The following VPS33A variants were observed in gnomAD, a reference collection of about 807,000 sequenced individuals.
VPS33A encodes vacuolar protein sorting-associated protein 33A.
VPS33A carries 32 observed loss-of-function variants against 71.8 expected under a neutral mutation model. That is an observed-to-expected ratio of 0.45 (90% CI 0.34 to 0.60). The LOEUF (loss-of-function observed/expected upper bound fraction) is 0.60. Ranked by LOEUF, VPS33A falls within the 20% of genes least tolerant of loss-of-function variation. VPS33A has a pLI of 0.02. For synonymous variants in VPS33A, 311 were observed against 292.7 expected (o/e 1.06, Z -0.64); for missense variants, 625 against 748.5 (o/e 0.84, Z 1.92).
At chr12:122,237,266 T>C (rs899924534) in intron 10 of VPS33A, among the ~76,000 whole-genome samples, 9 of 152,172 alleles carry the variant, frequency 5.9e-5, no homozygotes, top group Non-Finnish European at 1.5e-5. Context: ...GAAAGTTCTT[T>C]TCCTCCGTGG....
chr12:122,249,853 C>T lies in VPS33A; in HGVS notation c.775+18G>A, dbSNP rs371038955. ...TTCTCATATTACCTATTAGTGAAAA[C>T]AGATGTCATGTACTTACTGTTCTGA... On this transcript the variant is annotated intron_variant, in intron 6 of 12. Coordinates refer to ENST00000267199, the MANE Select transcript of VPS33A (RefSeq NM_022916.6). The T allele has an allele frequency of 1.8e-5, 29 of 1,600,562 alleles. No individual in the cohort carries two copies. Among genetic ancestry groups the T allele is most frequent in the Admixed American group, 1.7e-5 (1 of 57,798 alleles).
intron 7 of VPS33A, among the ~76,000 whole-genome samples, chr12:122,244,071 AGAG>A (rs2136131659): frequency 6.6e-6 from 1 of 152,338 alleles, no homozygotes; most frequent in East Asian, 1.9e-4. Context: ...TGAACGGGCA[AGAG>A]GAGGCAGGAA....
chr12:122,249,184 C>T (rs374740236), intron 6 of VPS33A: 34 of 152,128 alleles, frequency 2.2e-4, no homozygotes, highest in African/African-American at 6.5e-4. Context: ...GGCATGGCTA[C>T]GCAGTTTTTC....
chr12:122,260,208 AGTT>A (rs1186336666), intron 4 of VPS33A, among the ~76,000 whole-genome samples: 1 of 152,140 alleles, frequency 6.6e-6, no homozygotes, highest in Non-Finnish European at 1.5e-5. Context: ...GAGTGGAGAT[AGTT>A]GCACAACTTT....
Position 122,266,346 on chromosome 12 carries a change from G to C in VPS33A, c.63C>G (p.Arg21=), listed in dbSNP as rs781700682. The C allele has an allele frequency of 1.9e-6, 3 of 1,613,424 alleles. No homozygotes were observed. The change falls in exon 1 of 13, where the codon CGC becomes CGG. Residue 21 remains arginine, a synonymous_variant. Coordinates refer to ENST00000267199, the MANE Select transcript of VPS33A (RefSeq NM_022916.6). ...NLNVLREAVR[R]ELREFLDKCA... ...ACTTGTCCAGGAACTCGCGCAGCTC[G>C]CGACGCACCGCCTCGCGCAACACGT...
chr12:122,242,263 G>A lies in VPS33A; in HGVS notation c.1096+119C>T, dbSNP rs557964291. On this transcript the variant is annotated intron_variant, in intron 8 of 12. Coordinates refer to ENST00000267199, the MANE Select transcript of VPS33A (RefSeq NM_022916.6). ...ACTTCATTAACACTGAGAAGAACAC[G>A]TGGTATTAAGACAGAGCTGACTCTC... 172 of 1,211,528 alleles carry A rather than the reference G, an allele frequency of 1.4e-4. 2 individuals are homozygous for A. Among genetic ancestry groups the A allele is most frequent in the African/African-American group, 1.5e-4 (10 of 66,198 alleles). 75.0% of individuals were successfully genotyped at this position (1,211,528 alleles called of 1,614,324 possible).
intron 8 of VPS33A, 122 bp from the exon 9 acceptor site, chr12:122,240,067 C>A: frequency 2.8e-6 from 2 of 722,864 alleles, no homozygotes; most frequent in Non-Finnish European, 4.7e-6. Flanking sequence ...GTGGCTCACA[C>A]CTGTAATCTC....
At chr12:122,235,563 C>T (rs1954619264) in intron 11 of VPS33A, among the ~76,000 whole-genome samples, 2 of 152,102 alleles carry the variant, frequency 1.3e-5, no homozygotes, top group Admixed American at 1.3e-4. Context: ...CGCGCCCAGC[C>T]CACATCTTTA....
At chr12:122,234,194 C>A (rs955776102) in intron 11 of VPS33A, among the ~76,000 whole-genome samples, 3 of 152,196 alleles carry the variant, frequency 2.0e-5, no homozygotes, top group African/African-American at 7.2e-5. Flanking sequence ...AAAAACTGGC[C>A]ACAGTGGCTG....
chr12:122,247,435 T>C (rs1954790290), intron 6 of VPS33A, among the ~76,000 whole-genome samples: 1 of 152,228 alleles, frequency 6.6e-6, no homozygotes, highest in South Asian at 2.1e-4. Context: ...CAACCCAGCA[T>C]AGGGCTCTCC....
intron 4 of VPS33A, among the ~76,000 whole-genome samples, chr12:122,258,604 T>C (rs561246333): frequency 6.6e-6 from 1 of 152,050 alleles, no homozygotes; most frequent in Non-Finnish European, 1.5e-5. Flanking sequence ...CAAGAAAAGA[T>C]GATCAACATC....
Position 122,235,780 on chromosome 12 carries a change from G to C in VPS33A, c.1440+6C>G, listed in dbSNP as rs772123603. ...AGCTGAGACGAGGTGGAGAAGTGTG[G>C]CTTACTTGCTCATTAACATCATCCA... On this transcript the variant is annotated splice_donor_region_variant and intron_variant, in intron 11 of 12. Coordinates refer to ENST00000267199, the MANE Select transcript of VPS33A (RefSeq NM_022916.6). The C allele has an allele frequency of 1.2e-6, 2 of 1,608,460 alleles. No individual in the cohort carries two copies. Among genetic ancestry groups the C allele is most frequent in the African/African-American group, 1.3e-5 (1 of 74,752 alleles).
rs1170572914 is a variant in VPS33A at position 122,250,875 on chromosome 12, A to T, written c.600+108T>A. On this transcript the variant is annotated intron_variant, in intron 5 of 12. Transcript: ENST00000267199. The stretch of plus-strand genomic sequence containing the variant: ...AGGCAAATTCATGAGTACAGTATTC[A>T]TAAATAATTAAGATCAACTGAATTT... 7 of 805,844 alleles carry T rather than the reference A, an allele frequency of 8.7e-6. No individual in the cohort carries two copies. In the African/African-American group the frequency reaches 1.2e-4, roughly 14 times the overall value. 49.9% of individuals were successfully genotyped at this position (805,844 alleles called of 1,614,324 possible). A position where few individuals can be genotyped will look rare whatever the true frequency, so the allele number is the denominator to read the frequency against.
chr12:122,256,297 G>A (rs1445871768), intron 4 of VPS33A, among the ~76,000 whole-genome samples: 1 of 152,024 alleles, frequency 6.6e-6, no homozygotes, highest in Non-Finnish European at 1.5e-5. Flanking sequence ...AAAAAGGCCA[G>A]GCACAGTGGC....
At chr12:122,234,693 C>A (rs1390314899) in intron 11 of VPS33A, among the ~76,000 whole-genome samples, 1 of 152,176 alleles carries the variant, frequency 6.6e-6, no homozygotes, top group Admixed American at 6.5e-5. Flanking sequence ...ACCTGTGCGT[C>A]CCACACCAAC....
Position 122,266,310 on chromosome 12 carries a change from G to T in VPS33A, c.99C>A (p.Ser33Arg), listed in dbSNP as rs1210605852. The change falls in exon 1 of 13, where the codon AGC (serine) becomes AGA (arginine). Residue 33 changes from serine (S) to arginine (R), a missense_variant. Transcript: ENST00000267199. The stretch of plus-strand genomic sequence containing the variant: ...GTCGCTGCCTCCCGCCCCTCACCTT[G>T]CTTCCTGCGCACTTGTCCAGGAACT... ...LREFLDKCAG[S>R]KAIVWDEYLT... 2 of 1,611,292 alleles carry T rather than the reference G, an allele frequency of 1.2e-6. No individual in the cohort carries two copies. The highest frequency in any genetic ancestry group is 1.3e-5 in the African/African-American group (1 of 74,918).
chr12:122,244,816 AT>A, intron 6 of VPS33A, 54 bp from the exon 7 acceptor site: 1 of 1,538,404 alleles, frequency 6.5e-7, no homozygotes. Context: ...GGAAGAACCA[AT>A]CCGGTAACCA....
chr12:122,241,816 T>C (rs1045645154), intron 8 of VPS33A, among the ~76,000 whole-genome samples: 2 of 151,950 alleles, frequency 1.3e-5, no homozygotes, highest in South Asian at 2.1e-4. Flanking sequence ...TGGTCTTCAA[T>C]TCCTGGACTC....
Position 122,238,686 on chromosome 12 carries a change from G to A in VPS33A, c.1203C>T (p.His401=), listed in dbSNP as rs1439963745. ...CTAGTCTTAACACCTTGATCAACGA[G>A]TGCTTTTGGGCGATACAATCCTCAA... ...NYIEDCIAQK[H]SLIKVLRLVC... is the part of the protein sequence containing the mutation. The change falls in exon 10 of 13, where the codon CAC becomes CAT. Residue 401 remains histidine, a synonymous_variant. Coordinates refer to ENST00000267199, the MANE Select transcript of VPS33A (RefSeq NM_022916.6). 6.2e-7 allele frequency: 1 copy of A among 1,613,826 alleles called. No individual in the cohort carries two copies. The highest frequency in any genetic ancestry group is 8.5e-7 in the Non-Finnish European group (1 of 1,179,972).
Sources: allele counts gnomAD v4.1 joint callset (sites outside exome capture counted in the v4.1 genomes callset), GRCh38; gene constraint gnomAD v4.1.1; transcripts MANE v1.5; gene names NCBI Gene and HGNC (gene_info 2026-07-23, HGNC 2026-07-21).